The following SLC25A26 variants were observed in gnomAD, a reference collection of about 807,000 sequenced individuals.
SLC25A26 encodes mitochondrial S-adenosylmethionine carrier protein.
A neutral mutation model predicts 37.8 loss-of-function variants in SLC25A26; 36 were observed. The ratio of observed to expected loss-of-function variants is 0.95; its 90% confidence interval spans 0.73 to 1.26. The LOEUF is 1.26. Among genes scored for constraint, SLC25A26 ranks in the 50% most tolerant of loss-of-function variants. The pLI is 0.00. For missense variants in SLC25A26, 390 were observed against 331.1 expected (o/e 1.18, Z -1.38); for synonymous variants, 129 against 122.5 (o/e 1.05, Z -0.35).
chr3:66,350,210 C>A (rs1477672296), intron 6 of SLC25A26, among the ~76,000 whole-genome samples: 1 of 152,168 alleles, frequency 6.6e-6, no homozygotes, highest in Non-Finnish European at 1.5e-5. Flanking sequence ...TAGCAGATTG[C>A]ATCACATGGC....
chr3:66,309,478 A>G (rs1188011906), intron 5 of SLC25A26, among the ~76,000 whole-genome samples: 2 of 151,158 alleles, frequency 1.3e-5, no homozygotes, highest in South Asian at 4.2e-4. Flanking sequence ...TTTTTTTTTT[A>G]AAGTGTTTTT....
intron 1 of SLC25A26, among the ~76,000 whole-genome samples, chr3:66,147,921 G>A (rs1004430156): frequency 3.5e-4 from 53 of 152,202 alleles, no homozygotes; most frequent in African/African-American, 1.2e-3. Flanking sequence ...ACCATGCCCA[G>A]CTAATTTTTG....
At chr3:66,154,616 G>T (rs1369520358) in intron 1 of SLC25A26, among the ~76,000 whole-genome samples, 2 of 141,814 alleles carry the variant, frequency 1.4e-5, no homozygotes, top group Admixed American at 1.5e-4. Context: ...ACAGCTCACT[G>T]CATCCTCAAC....
At chr3:66,312,128 A>T (rs897250348) in intron 5 of SLC25A26, among the ~76,000 whole-genome samples, 1 of 152,082 alleles carries the variant, frequency 6.6e-6, no homozygotes, top group Non-Finnish European at 1.5e-5. Flanking sequence ...TCTTATGGAG[A>T]TGGGAGTTTT....
intron 6 of SLC25A26, among the ~76,000 whole-genome samples, chr3:66,349,877 G>A (rs1183806863): frequency 6.6e-6 from 1 of 152,098 alleles, no homozygotes; most frequent in African/African-American, 2.4e-5. Flanking sequence ...GTTACTATTA[G>A]GTTAAATTTT....
chr3:66,245,173 A>C (rs907565163), intron 3 of SLC25A26, among the ~76,000 whole-genome samples: 1 of 151,180 alleles, frequency 6.6e-6, no homozygotes, highest in Non-Finnish European at 1.5e-5. Context: ...CTCCCAAAGT[A>C]CTGGGATCAT....
At chr3:66,326,071 G>T (rs1359742023) in intron 5 of SLC25A26, among the ~76,000 whole-genome samples, 1 of 152,128 alleles carries the variant, frequency 6.6e-6, no homozygotes, top group East Asian at 1.9e-4. Flanking sequence ...GAGAAATGAG[G>T]TGCCAAGAAG....
At chr3:66,365,299 C>T (rs1381158872) in intron 7 of SLC25A26, among the ~76,000 whole-genome samples, 2 of 152,296 alleles carry the variant, frequency 1.3e-5, no homozygotes, top group Non-Finnish European at 1.5e-5. Context: ...ATTCTGTGTG[C>T]CATCCTTGGC....
chr3:66,168,242 C>T (rs1462162695), intron 1 of SLC25A26, among the ~76,000 whole-genome samples: 2 of 110,948 alleles, frequency 1.8e-5, no homozygotes, highest in African/African-American at 6.9e-5. Flanking sequence ...AAGTTGAATG[C>T]CACCAGCTTT....
chr3:66,250,349 A>G (rs776691125), intron 3 of SLC25A26, among the ~76,000 whole-genome samples: 1 of 152,254 alleles, frequency 6.6e-6, no homozygotes, highest in Non-Finnish European at 1.5e-5. Context: ...CTGTAAGTGC[A>G]CTAAAGTGTT....
At chr3:66,198,221 T>C (rs2071069785) in intron 1 of SLC25A26, among the ~76,000 whole-genome samples, 1 of 152,012 alleles carries the variant, frequency 6.6e-6, no homozygotes, top group African/African-American at 2.4e-5. Flanking sequence ...AGGATGATAA[T>C]TGAGGTTCTG....
chr3:66,240,902 C>A (rs564460624), intron 2 of SLC25A26, among the ~76,000 whole-genome samples: 1 of 151,942 alleles, frequency 6.6e-6, no homozygotes, highest in Non-Finnish European at 1.5e-5. Flanking sequence ...CCCGCCACCA[C>A]ACCCGGCTAA....
chr3:66,274,675 T>G (rs866192943), intron 5 of SLC25A26, among the ~76,000 whole-genome samples: 7,905 of 151,958 alleles, frequency 0.052, 568 homozygotes, highest in African/African-American at 0.18. Context: ...GGCCATCAGA[T>G]AAATGCAAAT....
At chr3:66,143,558 A>G (rs1203403311) in intron 1 of SLC25A26, among the ~76,000 whole-genome samples, 1 of 152,150 alleles carries the variant, frequency 6.6e-6, no homozygotes, top group Non-Finnish European at 1.5e-5. Context: ...CTAATTTGTG[A>G]TGCAAAATGC....
At chr3:66,173,524 T>C (rs2070530735) in intron 1 of SLC25A26, among the ~76,000 whole-genome samples, 1 of 152,246 alleles carries the variant, frequency 6.6e-6, no homozygotes, top group African/African-American at 2.4e-5. Context: ...CTTCACTTAC[T>C]TGAACTTACA....
At position 66,206,882 on chromosome 3, in the gene SLC25A26, T is replaced by TTTTC. The variant is rs1440306362; in HGVS notation, c.-353-13848_-353-13845dup. On this transcript the variant is annotated intron_variant, in intron 1 of 10. Transcript: ENST00000676754. ...GCATGCACTACCACCCCTGGCTAATTTTTCTTTCTTTCTTTTTTTTTTTTT... is the reference window on the plus strand; with the variant it reads ...GCATGCACTACCACCCCTGGCTAATTTTTCTTTCTTTCTTTCTTTTTTTTTTTTT... Among the ~76,000 whole-genome samples the TTTTC allele has an allele frequency of 9.3e-5, 14 of 150,226 alleles. 1 individual carries two copies. The East Asian group carries it at 9.9e-4, about 11-fold the overall frequency.
chr3:66,346,478 A>AGTAGAAAGC (rs1233309682), intron 6 of SLC25A26, 70 bp downstream of exon 6: 1 of 789,720 alleles, frequency 1.3e-6, no homozygotes. Context: ...AGTGTGGAAG[A>AGTAGAAAGC]GTAGAACATA....
chr3:66,253,029 C>A (rs917574244), intron 3 of SLC25A26, among the ~76,000 whole-genome samples: 1 of 147,608 alleles, frequency 6.8e-6, no homozygotes, highest in Non-Finnish European at 1.5e-5. Flanking sequence ...TAATGCCCCC[C>A]CCCCCCCATA....
chr3:66,134,769 T>A (rs918358104), intron 1 of SLC25A26, among the ~76,000 whole-genome samples: 11 of 152,184 alleles, frequency 7.2e-5, no homozygotes, highest in Non-Finnish European at 4.4e-5. Flanking sequence ...AGTTGGAGAT[T>A]TTGTCACTTT....
Sources: gnomAD v4.1 joint callset for allele counts (sites outside exome capture counted in the v4.1 genomes callset) on GRCh38, gnomAD v4.1.1 for gene constraint, MANE v1.5 for transcripts, NCBI Gene and HGNC (gene_info 2026-07-23, HGNC 2026-07-21) for gene names.